Variants in PPHLN1 observed in about 807,000 individuals in gnomAD.
PPHLN1 encodes the protein periphilin 1, also known as periphilin-1.
In PPHLN1, 29 loss-of-function variants were observed where a neutral mutation model predicts 51.3. That is an observed-to-expected ratio of 0.57 (90% CI 0.42 to 0.77). The LOEUF is 0.77. Among genes scored for constraint, PPHLN1 ranks in the 30% least tolerant of loss-of-function variants. PPHLN1 has a pLI of 0.00. For missense variants in PPHLN1, 436 were observed against 438.4 expected (o/e 0.99, Z 0.05); for synonymous variants, 147 against 147.8 (o/e 0.99, Z 0.04).
chr12:42,350,564 G>A (rs905033570), intron 2 of PPHLN1, among the ~76,000 whole-genome samples: 1 of 152,204 alleles, frequency 6.6e-6, no homozygotes, highest in Non-Finnish European at 1.5e-5. Context: ...AGACGGGGTG[G>A]TGGCCGGGCA....
downstream of PPHLN1, chr12:42,442,524 C>T (rs1298105653): frequency 1.4e-6 from 2 of 1,397,670 alleles, no homozygotes; most frequent in East Asian, 2.3e-5. Context: ...ATACAAGCGG[C>T]TCCAGCTTAT....
chr12:42,328,635 G>A (rs1429354024), intron 1 of PPHLN1, among the ~76,000 whole-genome samples: 8 of 152,158 alleles, frequency 5.3e-5, no homozygotes, highest in Non-Finnish European at 4.4e-5. Context: ...CAGTACATTC[G>A]GGCTTATAAA....
chr12:42,390,818 GTTT>G (rs34282980), intron 7 of PPHLN1, among the ~76,000 whole-genome samples: 3 of 118,584 alleles, frequency 2.5e-5, no homozygotes, highest in Admixed American at 1.8e-4. Flanking sequence ...AGACCGTGAA[GTTT>G]TTTTTTTTTT....
intron 9 of PPHLN1, among the ~76,000 whole-genome samples, chr12:42,435,149 TAAA>T (rs958076436): frequency 1.3e-5 from 2 of 152,252 alleles, no homozygotes; most frequent in African/African-American, 2.4e-5. Flanking sequence ...CTGAAAGGGA[TAAA>T]AAAGTCATAA....
intron 1 of PPHLN1, among the ~76,000 whole-genome samples, chr12:42,329,035 T>G (rs2069231733): frequency 6.6e-6 from 1 of 151,942 alleles, no homozygotes; most frequent in Non-Finnish European, 1.5e-5. Context: ...TAATTTTTTT[T>G]TTTCAATGAC....
rs1491587968 is a variant in PPHLN1 at position 42,400,796 on chromosome 12, T to TC, written c.909+1802_909+1803insC. ...CTCTTTCTCTCTCTCTCTCTCTCTC[T>TC]TTCACACACACACACACACACACAC... On this transcript the variant is annotated intron_variant, in intron 9 of 9. Transcript: ENST00000358314. Among the ~76,000 whole-genome samples, 516 of 122,812 alleles carry TC rather than the reference T, an allele frequency of 4.2e-3. 5 individuals are homozygous for TC. The highest frequency in any genetic ancestry group is 0.015 in the African/African-American group (478 of 32,400). 80.6% of individuals were successfully genotyped at this position (122,812 alleles called of 152,430 possible).
intron 8 of PPHLN1, among the ~76,000 whole-genome samples, chr12:42,396,861 T>G (rs542719756): frequency 1.4e-5 from 2 of 146,732 alleles, no homozygotes; most frequent in South Asian, 4.3e-4. Context: ...GGACCCCATC[T>G]GTACAAAAAA....
intron 9 of PPHLN1, among the ~76,000 whole-genome samples, chr12:42,402,349 C>G (rs917253284): frequency 5.3e-5 from 8 of 152,170 alleles, no homozygotes; most frequent in African/African-American, 1.9e-4. Flanking sequence ...GAACCCCTTT[C>G]CTTATTACAA....
intron 8 of PPHLN1, among the ~76,000 whole-genome samples, chr12:42,397,169 CCTAGT>C (rs1403792879): frequency 6.6e-6 from 1 of 152,102 alleles, no homozygotes; most frequent in Non-Finnish European, 1.5e-5. Flanking sequence ...TTATTCTGTC[CCTAGT>C]CTAGAATGAC....
chr12:42,366,945 C>T (rs1044260769), intron 4 of PPHLN1, among the ~76,000 whole-genome samples: 8 of 152,150 alleles, frequency 5.3e-5, no homozygotes, highest in Non-Finnish European at 1.0e-4. Context: ...CCTTTCTTAT[C>T]TTCATGAACA....
At chr12:42,328,620 T>C (rs1007448736) in intron 1 of PPHLN1, among the ~76,000 whole-genome samples, 1 of 152,272 alleles carries the variant, frequency 6.6e-6, no homozygotes, top group Non-Finnish European at 1.5e-5. Flanking sequence ...CTACTAAGTT[T>C]AGTGCAGTAC....
chr12:42,340,035 A>G (rs1163639815), intron 2 of PPHLN1, among the ~76,000 whole-genome samples: 1 of 152,226 alleles, frequency 6.6e-6, no homozygotes, highest in Admixed American at 6.5e-5. Flanking sequence ...GGCTGAATAC[A>G]GTGGCTCTTG....
intron 4 of PPHLN1, among the ~76,000 whole-genome samples, chr12:42,369,293 A>G (rs1185990227): frequency 6.6e-6 from 1 of 152,178 alleles, no homozygotes; most frequent in East Asian, 1.9e-4. Flanking sequence ...CATCCTCTGT[A>G]AAGTAAGTTC....
At chr12:42,410,346 T>TA (rs981714315) in intron 9 of PPHLN1, among the ~76,000 whole-genome samples, 1 of 152,306 alleles carries the variant, frequency 6.6e-6, no homozygotes, top group African/African-American at 2.4e-5. Context: ...TTATTTATAC[T>TA]AAAAATATAT....
intron 2 of PPHLN1, among the ~76,000 whole-genome samples, chr12:42,344,768 G>T (rs2072034501): frequency 6.7e-6 from 1 of 148,820 alleles, no homozygotes; most frequent in Non-Finnish European, 1.5e-5. Flanking sequence ...GAGTGCAGTG[G>T]CATAATCTCG....
chr12:42,347,290 C>T (rs2072495090), intron 2 of PPHLN1: 1 of 152,006 alleles, frequency 6.6e-6, no homozygotes, highest in Non-Finnish European at 1.5e-5. Flanking sequence ...TGACTTTTTG[C>T]CAATATCTTT....
intron 7 of PPHLN1, among the ~76,000 whole-genome samples, chr12:42,390,175 G>A (rs2077566216): frequency 6.6e-6 from 1 of 152,124 alleles, no homozygotes; most frequent in African/African-American, 2.4e-5. Flanking sequence ...TGTCTGGGGG[G>A]CAGCTGCTTC....
intron 5 of PPHLN1, among the ~76,000 whole-genome samples, chr12:42,382,879 G>A (rs528220371): frequency 5.9e-5 from 9 of 152,192 alleles, no homozygotes; most frequent in African/African-American, 2.2e-4. Flanking sequence ...AGTTTTACAC[G>A]AGCACATCAG....
At chr12:42,346,309 C>T (rs1289169920) in intron 2 of PPHLN1, among the ~76,000 whole-genome samples, 1 of 151,674 alleles carries the variant, frequency 6.6e-6, no homozygotes, top group Non-Finnish European at 1.5e-5. Flanking sequence ...TTTTAAATTC[C>T]ACATATAAAT....
Sources: allele counts gnomAD v4.1 joint callset (sites outside exome capture counted in the v4.1 genomes callset), GRCh38; gene constraint gnomAD v4.1.1; transcripts MANE v1.5; gene names NCBI Gene and HGNC (gene_info 2026-07-23, HGNC 2026-07-21).